LGSN: variants seen among roughly 807,000 people sequenced by gnomAD.
LGSN encodes lengsin.
In LGSN, 21 loss-of-function variants were observed where a neutral mutation model predicts 19.5. The observed-to-expected ratio is 1.07, with a 90% CI of 0.76 to 1.55. The LOEUF (loss-of-function observed/expected upper bound fraction) is 1.55. Ranked by LOEUF, LGSN falls within the 40% of genes most tolerant of loss-of-function variation. The probability of loss-of-function intolerance (pLI) is 0.00; values close to 1 mark genes in which losing one functional copy is unlikely to be tolerated. For synonymous variants in LGSN, 257 were observed against 215.6 expected, an observed-to-expected ratio of 1.19 and a Z score of -1.68; for missense variants, 673 against 608.5, an observed-to-expected ratio of 1.11 and a Z score of -1.12.
At chr6:63,317,831 C>T (rs983258416) in intron 1 of LGSN, among the ~76,000 whole-genome samples, 19 of 152,124 alleles carry the variant, frequency 1.2e-4, no homozygotes, top group Admixed American at 8.5e-4. Flanking sequence ...GATATGGAAA[C>T]GTCAGAACTG....
At chr6:63,548,484 GT>G in the LGSN span, among the ~76,000 whole-genome samples, 1 of 152,152 alleles carries the variant, frequency 6.6e-6, no homozygotes, top group African/African-American at 2.4e-5. Flanking sequence ...CAGTTTTCTT[GT>G]TTGTCTCCAT....
the LGSN span, among the ~76,000 whole-genome samples, chr6:63,362,073 G>A: frequency 6.6e-6 from 1 of 152,182 alleles, no homozygotes. Context: ...TTCAGAGGCA[G>A]TAACATGCAC....
intron 1 of LGSN, among the ~76,000 whole-genome samples, chr6:63,308,336 T>G (rs1396612550): frequency 6.6e-6 from 1 of 152,136 alleles, no homozygotes; most frequent in Non-Finnish European, 1.5e-5. Context: ...ACAAGACATT[T>G]TCATAATTCA....
the LGSN span, among the ~76,000 whole-genome samples, chr6:63,437,261 AT>A: frequency 2.4e-4 from 36 of 148,014 alleles, no homozygotes; most frequent in East Asian, 2.4e-3. Context: ...CCAAAATACC[AT>A]TTTTTTTTTC....
At chr6:63,442,730 A>C in the LGSN span, among the ~76,000 whole-genome samples, 1 of 152,224 alleles carries the variant, frequency 6.6e-6, no homozygotes, top group African/African-American at 2.4e-5. Flanking sequence ...TTAGCTAGCC[A>C]TAAAAGTTCT....
the LGSN span, among the ~76,000 whole-genome samples, chr6:63,560,571 T>C: frequency 6.6e-6 from 1 of 151,702 alleles, no homozygotes; most frequent in African/African-American, 2.4e-5. Context: ...CACTAATCTG[T>C]GTATTTTTTT....
chr6:63,483,256 G>A, the LGSN span, among the ~76,000 whole-genome samples: 2 of 152,140 alleles, frequency 1.3e-5, no homozygotes, highest in Admixed American at 6.5e-5. Flanking sequence ...TCTTCTCTGT[G>A]TCCTTAGCAT....
At chr6:63,321,964 A>G (rs1173480291), upstream of LGSN, among the ~76,000 whole-genome samples, 1 of 152,210 alleles carries the variant, frequency 6.6e-6, no homozygotes, top group Non-Finnish European at 1.5e-5. Flanking sequence ...TCTCCTGCCA[A>G]AAAGTTGTAA....
At chr6:63,492,045 A>T in the LGSN span, among the ~76,000 whole-genome samples, 1 of 152,106 alleles carries the variant, frequency 6.6e-6, no homozygotes, top group Non-Finnish European at 1.5e-5. Context: ...AAAAAAAAAA[A>T]AATTAACGTA....
chr6:63,469,246 A>T, the LGSN span, among the ~76,000 whole-genome samples: 4 of 152,196 alleles, frequency 2.6e-5, no homozygotes, highest in Non-Finnish European at 5.9e-5. Context: ...GGTATGCTTC[A>T]ATCTACTATC....
chr6:63,463,540 ATACT>A, the LGSN span, among the ~76,000 whole-genome samples: 1 of 152,314 alleles, frequency 6.6e-6, no homozygotes, highest in South Asian at 2.1e-4. Context: ...TATAAAAGTA[ATACT>A]TTATTTATTT....
At chr6:63,435,970 T>A in the LGSN span, among the ~76,000 whole-genome samples, 1 of 151,722 alleles carries the variant, frequency 6.6e-6, no homozygotes. Context: ...CACTAATCTC[T>A]GTCCTCTGGC....
the LGSN span, among the ~76,000 whole-genome samples, chr6:63,465,187 T>G: frequency 6.6e-6 from 1 of 152,108 alleles, no homozygotes; most frequent in East Asian, 1.9e-4. Context: ...TTGTTGCTCT[T>G]TGTTTGTTTT....
the LGSN span, among the ~76,000 whole-genome samples, chr6:63,364,259 C>T: frequency 7.0e-6 from 1 of 142,202 alleles, no homozygotes; most frequent in African/African-American, 2.9e-5. Flanking sequence ...GGAAAACAAA[C>T]AAACAAAAAA....
At chr6:63,554,751 C>T in the LGSN span, among the ~76,000 whole-genome samples, 1 of 152,176 alleles carries the variant, frequency 6.6e-6, no homozygotes, top group Non-Finnish European at 1.5e-5. Context: ...CGCACCACTA[C>T]ACTCTAGCCT....
the LGSN span, among the ~76,000 whole-genome samples, chr6:63,529,135 G>GTATA: frequency 1.3e-4 from 18 of 133,918 alleles, 1 homozygote; most frequent in South Asian, 4.9e-4. Context: ...ATATATGTGT[G>GTATA]TGTATATATA....
the LGSN span, among the ~76,000 whole-genome samples, chr6:63,472,558 T>C: frequency 6.6e-6 from 1 of 152,178 alleles, no homozygotes; most frequent in Non-Finnish European, 1.5e-5. Context: ...AGTGCAATAC[T>C]ACATAGATAT....
At chr6:63,453,199 T>G in the LGSN span, among the ~76,000 whole-genome samples, 19 of 152,184 alleles carry the variant, frequency 1.2e-4, no homozygotes, top group Non-Finnish European at 2.8e-4. Flanking sequence ...ATGAGATTTG[T>G]ATGGCCTGGA....
chr6:63,388,045 T>C, the LGSN span, among the ~76,000 whole-genome samples: 1 of 151,422 alleles, frequency 6.6e-6, no homozygotes, highest in African/African-American at 2.4e-5. Context: ...TTTTTGTTTT[T>C]TTTTTTTTTT....
Sources: allele counts gnomAD v4.1 joint callset (sites outside exome capture counted in the v4.1 genomes callset), GRCh38; gene constraint gnomAD v4.1.1; transcripts MANE v1.5; gene names NCBI Gene and HGNC (gene_info 2026-07-23, HGNC 2026-07-21).